The following HYDIN variants were observed in gnomAD, a reference collection of about 807,000 sequenced individuals.
HYDIN encodes HYDIN axonemal central pair apparatus protein, also known as axonemal central pair apparatus protein HYDIN.
In HYDIN, 132 loss-of-function variants were observed where a neutral mutation model predicts 403.9. The observed-to-expected ratio is 0.33, with a 90% CI of 0.28 to 0.38. HYDIN has a LOEUF of 0.38. HYDIN is among the 10% of genes least tolerant of loss of function. The pLI, the probability that HYDIN is intolerant of heterozygous loss-of-function variation, is 1.00. For missense variants in HYDIN, 2,827 were observed against 5,009.5 expected (o/e 0.56, Z 13.15); for synonymous variants, 1,202 against 1,891.7 (o/e 0.64, Z 9.46).
chr16:71,176,184 A>T (rs2086663946), intron 4 of HYDIN, among the ~76,000 whole-genome samples: 1 of 146,534 alleles, frequency 6.8e-6, no homozygotes, highest in Non-Finnish European at 1.5e-5. Flanking sequence ...ATGTGCCTGT[A>T]GTCCCAGCTA....
At chr16:70,971,498 A>G (rs1162169896) in intron 35 of HYDIN, among the ~76,000 whole-genome samples, 14 of 151,828 alleles carry the variant, frequency 9.2e-5, no homozygotes, top group Admixed American at 9.2e-4. Flanking sequence ...ATCCCTAGAA[A>G]TCCTGACTCT....
intron 10 of HYDIN, among the ~76,000 whole-genome samples, 180 bp downstream of exon 10, chr16:71,115,515 AG>A: frequency 6.6e-6 from 1 of 152,310 alleles, no homozygotes; most frequent in South Asian, 2.1e-4. Context: ...GATCTGTTAT[AG>A]GAAGAAGTGA....
chr16:71,099,020 C>CT (rs2083376679), intron 10 of HYDIN, among the ~76,000 whole-genome samples: 1 of 151,162 alleles, frequency 6.6e-6, no homozygotes, highest in African/African-American at 2.4e-5. Context: ...AACTAGTAAA[C>CT]TTTAAGGGCA....
At chr16:71,044,765 T>A (rs898328309) in intron 18 of HYDIN, among the ~76,000 whole-genome samples, 1 of 141,530 alleles carries the variant, frequency 7.1e-6, no homozygotes, top group Admixed American at 7.1e-5. Flanking sequence ...ATTGAACATA[T>A]TGAGCATATT....
intron 58 of HYDIN, among the ~76,000 whole-genome samples, chr16:70,886,979 A>AT (rs1451701537): frequency 6.6e-6 from 1 of 152,036 alleles, no homozygotes. Context: ...CTTTGAGTAT[A>AT]TTTTCAGTCC....
At chr16:71,050,405 A>C (rs1214750728) in intron 18 of HYDIN, among the ~76,000 whole-genome samples, 7 of 135,120 alleles carry the variant, frequency 5.2e-5, no homozygotes, top group African/African-American at 1.8e-4. Flanking sequence ...GAAAGACATA[A>C]TTTAGTAGAA....
At chr16:70,974,769 C>G (rs77762176) in intron 31 of HYDIN, 99 bp from the exon 32 acceptor site, 29,285 of 655,628 alleles carry the variant, frequency 0.045, 874 homozygotes, top group Non-Finnish European at 0.06. Context: ...CTCCTGTGCA[C>G]AGTTTTATTC....
chr16:71,004,574 T>G (rs1270027126), intron 23 of HYDIN, among the ~76,000 whole-genome samples: 1 of 152,098 alleles, frequency 6.6e-6, no homozygotes, highest in Admixed American at 6.5e-5. Flanking sequence ...AAACTCAACC[T>G]CATTATATCT....
intron 75 of HYDIN, among the ~76,000 whole-genome samples, chr16:70,848,992 C>A (rs1381058948): frequency 2.0e-5 from 3 of 151,702 alleles, no homozygotes; most frequent in Admixed American, 2.0e-4. Flanking sequence ...TGTTTTTGAG[C>A]AAGCCTGGAG....
chr16:71,154,291 C>G (rs952807646), intron 6 of HYDIN, among the ~76,000 whole-genome samples: 1 of 150,320 alleles, frequency 6.7e-6, no homozygotes, highest in Non-Finnish European at 1.5e-5. Flanking sequence ...TGTGGGTACA[C>G]AGTAGGTATA....
intron 1 of HYDIN, among the ~76,000 whole-genome samples, chr16:71,224,592 C>T (rs1205547032): frequency 1.6e-5 from 2 of 128,438 alleles, no homozygotes; most frequent in Admixed American, 8.8e-5. Context: ...GACGGAGTCT[C>T]GCTCTGTCGC....
intron 17 of HYDIN, among the ~76,000 whole-genome samples, chr16:71,061,823 G>T (rs1277320759): frequency 1.3e-5 from 2 of 149,582 alleles, no homozygotes; most frequent in Admixed American, 6.7e-5. Flanking sequence ...CAGAGTTTCT[G>T]ATTTCAAAGG....
At chr16:71,123,982 G>A (rs536098284) in intron 9 of HYDIN, among the ~76,000 whole-genome samples, 3 of 151,938 alleles carry the variant, frequency 2.0e-5, no homozygotes, top group Admixed American at 1.3e-4. Context: ...TATCACCAGC[G>A]TGAGAACAGA....
intron 10 of HYDIN, among the ~76,000 whole-genome samples, chr16:71,105,173 T>C (rs1312197356): frequency 1.3e-5 from 2 of 151,992 alleles, no homozygotes; most frequent in African/African-American, 4.8e-5. Flanking sequence ...AACAGATGAA[T>C]ACACTGAAGA....
chr16:71,098,168 T>C (rs1202120449), intron 10 of HYDIN, among the ~76,000 whole-genome samples: 1 of 151,472 alleles, frequency 6.6e-6, no homozygotes, highest in Non-Finnish European at 1.5e-5. Context: ...GTGTTAGTTG[T>C]GGCAATACTC....
chr16:70,906,276 T>C (rs1426932694), intron 50 of HYDIN, among the ~76,000 whole-genome samples: 2 of 152,054 alleles, frequency 1.3e-5, no homozygotes, highest in Non-Finnish European at 2.9e-5. Context: ...AAAACTGTTT[T>C]TCATACCCCC....
At chr16:71,031,173 C>T (rs552946951) in intron 19 of HYDIN, among the ~76,000 whole-genome samples, 6 of 138,082 alleles carry the variant, frequency 4.3e-5, no homozygotes, top group Middle Eastern at 4.3e-3. Flanking sequence ...GCACTCCAGC[C>T]TAGGCCACAG....
intron 76 of HYDIN, among the ~76,000 whole-genome samples, chr16:70,838,750 T>C (rs968185757): frequency 1.3e-5 from 2 of 151,562 alleles, no homozygotes; most frequent in South Asian, 2.1e-4. Context: ...CTTAGGGCTG[T>C]TGTGAGGATT....
intron 8 of HYDIN, among the ~76,000 whole-genome samples, chr16:71,130,827 G>A (rs2084686060): frequency 6.6e-6 from 1 of 151,944 alleles, no homozygotes; most frequent in South Asian, 2.1e-4. Flanking sequence ...ATAGGCAATC[G>A]CCAAGCTGTC....
Sources: gnomAD v4.1 joint callset for allele counts (sites outside exome capture counted in the v4.1 genomes callset) on GRCh38, gnomAD v4.1.1 for gene constraint, MANE v1.5 for transcripts, NCBI Gene and HGNC (gene_info 2026-07-23, HGNC 2026-07-21) for gene names.